The following NXPE2 variants were observed in gnomAD, a reference collection of about 807,000 sequenced individuals.
NXPE2 encodes the protein NXPE family member 2.
In NXPE2, 34 loss-of-function variants were observed where a neutral mutation model predicts 34.4. That is an observed-to-expected ratio of 0.99 (90% CI 0.75 to 1.31). The LOEUF (loss-of-function observed/expected upper bound fraction) is 1.31. Among genes scored for constraint, NXPE2 ranks in the 40% most tolerant of loss-of-function variants. The probability of loss-of-function intolerance (pLI) is 0.00; values close to 1 mark genes in which losing one functional copy is unlikely to be tolerated. For missense variants in NXPE2, 649 were observed against 672.5 expected (o/e 0.97, Z 0.39); for synonymous variants, 235 against 231.3 (o/e 1.02, Z -0.15).
the NXPE2 span, among the ~76,000 whole-genome samples, chr11:114,614,918 G>A: frequency 2.0e-5 from 3 of 151,720 alleles, no homozygotes; most frequent in Non-Finnish European, 2.9e-5. Flanking sequence ...GTTACCCAGT[G>A]GATAATGAGT....
At chr11:114,474,222 T>A in the NXPE2 span, among the ~76,000 whole-genome samples, 1 of 152,078 alleles carries the variant, frequency 6.6e-6, no homozygotes, top group Non-Finnish European at 1.5e-5. Context: ...AAGATTTGGG[T>A]CCATCCGTAT....
At chr11:114,772,333 G>T in the NXPE2 span, among the ~76,000 whole-genome samples, 1 of 151,948 alleles carries the variant, frequency 6.6e-6, no homozygotes, top group African/African-American at 2.4e-5. Flanking sequence ...GAGCTTCCTA[G>T]TAGCTAAAGC....
chr11:114,534,540 A>C, the NXPE2 span, among the ~76,000 whole-genome samples: 2 of 152,216 alleles, frequency 1.3e-5, no homozygotes, highest in African/African-American at 4.8e-5. Context: ...ACTTTGAAAA[A>C]AAATTAGATG....
At chr11:114,728,362 G>A in the NXPE2 span, among the ~76,000 whole-genome samples, 2 of 152,004 alleles carry the variant, frequency 1.3e-5, no homozygotes, top group African/African-American at 2.4e-5. Context: ...TCCACACTAG[G>A]ATCATATAAA....
At chr11:114,755,640 C>CCATCT in the NXPE2 span, among the ~76,000 whole-genome samples, 1 of 152,066 alleles carries the variant, frequency 6.6e-6, no homozygotes, top group African/African-American at 2.4e-5. Context: ...ACCTATCAAC[C>CCATCT]CATCTATTAA....
the NXPE2 span, among the ~76,000 whole-genome samples, chr11:114,772,509 T>A: frequency 6.6e-6 from 1 of 152,200 alleles, no homozygotes; most frequent in African/African-American, 2.4e-5. Context: ...TAATATGTGA[T>A]GTTCTGGGTG....
the NXPE2 span, among the ~76,000 whole-genome samples, chr11:114,542,363 C>T: frequency 5.5e-3 from 834 of 152,174 alleles, 11 homozygotes; most frequent in African/African-American, 0.018. Context: ...TTTCCCAGAT[C>T]GTTCCTAAGG....
chr11:114,718,603 A>G, the NXPE2 span, among the ~76,000 whole-genome samples: 2 of 152,182 alleles, frequency 1.3e-5, no homozygotes, highest in Non-Finnish European at 2.9e-5. Context: ...AGGCTACAAT[A>G]ATTGTGGGAT....
the NXPE2 span, among the ~76,000 whole-genome samples, chr11:114,629,200 C>A: frequency 7.9e-5 from 12 of 152,012 alleles, no homozygotes; most frequent in African/African-American, 1.7e-4. Context: ...GATACCAAAG[C>A]CGGGCAGAGA....
chr11:114,638,443 C>G, the NXPE2 span, among the ~76,000 whole-genome samples: 1 of 151,990 alleles, frequency 6.6e-6, no homozygotes, highest in Non-Finnish European at 1.5e-5. Context: ...GTTTGATTGT[C>G]TGAAGCCTTC....
chr11:114,685,780 G>T (rs531371153), intron 2 of NXPE2, among the ~76,000 whole-genome samples: 3 of 152,068 alleles, frequency 2.0e-5, no homozygotes, highest in African/African-American at 7.2e-5. Context: ...CTAATTTTAA[G>T]GGTCTAGCAC....
At chr11:114,639,730 A>G in the NXPE2 span, among the ~76,000 whole-genome samples, 2 of 126,930 alleles carry the variant, frequency 1.6e-5, no homozygotes, top group African/African-American at 2.9e-5. Context: ...ATAGTAATAT[A>G]ATATAAAATA....
chr11:114,704,247 T>C (rs531527723), intron 4 of NXPE2, among the ~76,000 whole-genome samples, 195 bp downstream of exon 4: 55 of 152,186 alleles, frequency 3.6e-4, no homozygotes, highest in Non-Finnish European at 7.4e-4. Context: ...CCAATTTTCA[T>C]CCCAAGTCAG....
the NXPE2 span, among the ~76,000 whole-genome samples, chr11:114,525,784 C>A: frequency 6.6e-6 from 1 of 152,184 alleles, no homozygotes; most frequent in African/African-American, 2.4e-5. Context: ...AGTGTATATT[C>A]AAGCTAGCCA....
the NXPE2 span, among the ~76,000 whole-genome samples, chr11:114,587,302 A>C: frequency 6.6e-6 from 1 of 152,218 alleles, no homozygotes; most frequent in South Asian, 2.1e-4. Context: ...TCCAATTAAA[A>C]TGGTACTTAA....
chr11:114,600,306 A>G, the NXPE2 span, among the ~76,000 whole-genome samples: 3 of 152,256 alleles, frequency 2.0e-5, no homozygotes, highest in African/African-American at 7.2e-5. Flanking sequence ...CTATAATTCA[A>G]AAACTCATTT....
At chr11:114,569,171 C>A in the NXPE2 span, among the ~76,000 whole-genome samples, 1 of 152,166 alleles carries the variant, frequency 6.6e-6, no homozygotes, top group African/African-American at 2.4e-5. Flanking sequence ...GGTCAGGGGC[C>A]TGGTGGTATC....
chr11:114,642,154 T>C, the NXPE2 span, among the ~76,000 whole-genome samples: 1 of 151,958 alleles, frequency 6.6e-6, no homozygotes, highest in Non-Finnish European at 1.5e-5. Context: ...CAGTGAAAAT[T>C]GTAATGTGTA....
chr11:114,498,681 T>G, the NXPE2 span, among the ~76,000 whole-genome samples: 1 of 152,148 alleles, frequency 6.6e-6, no homozygotes, highest in Admixed American at 6.5e-5. Context: ...TGTATTTATT[T>G]TAATATTGCT....
Sources: gnomAD v4.1 joint callset for allele counts (sites outside exome capture counted in the v4.1 genomes callset) on GRCh38, gnomAD v4.1.1 for gene constraint, MANE v1.5 for transcripts, NCBI Gene and HGNC (gene_info 2026-07-23, HGNC 2026-07-21) for gene names.